The following GUCY1A1 variants were observed in gnomAD, a reference collection of about 807,000 sequenced individuals.
The protein encoded by GUCY1A1 is guanylate cyclase soluble subunit alpha-1.
In GUCY1A1, 48 loss-of-function variants were observed where a neutral mutation model predicts 64.5. The observed-to-expected ratio is 0.74, with a 90% CI of 0.59 to 0.95. The LOEUF is 0.95. GUCY1A1 is among the 40% of genes least tolerant of loss of function. The pLI is 0.00. For synonymous variants in GUCY1A1, 308 were observed against 303.4 expected, an observed-to-expected ratio of 1.02 and a Z score of -0.16; for missense variants, 804 against 825.3, an observed-to-expected ratio of 0.97 and a Z score of 0.32.
intron 2 of GUCY1A1, among the ~76,000 whole-genome samples, chr4:155,688,888 T>G (rs1729366929): frequency 6.6e-6 from 1 of 151,900 alleles, no homozygotes; most frequent in African/African-American, 2.4e-5. Flanking sequence ...TTGTAGGCCT[T>G]GACCTAAGGG....
intron 2 of GUCY1A1, among the ~76,000 whole-genome samples, chr4:155,695,363 A>T (rs1274271112): frequency 6.6e-6 from 1 of 152,146 alleles, no homozygotes; most frequent in South Asian, 2.1e-4. Context: ...AAAAAAACCT[A>T]ATTGAACTTC....
At chr4:155,711,373 T>C in intron 6 of GUCY1A1, 122 bp downstream of exon 6, 1 of 562,562 alleles carries the variant, frequency 1.8e-6, no homozygotes, top group East Asian at 2.9e-5. Context: ...AAAACAATGG[T>C]AAAAGAATTG....
At chr4:155,686,353 C>T (rs1416713421) in intron 2 of GUCY1A1, among the ~76,000 whole-genome samples, 2 of 151,758 alleles carry the variant, frequency 1.3e-5, no homozygotes, top group Non-Finnish European at 2.9e-5. Flanking sequence ...TGGTGGCGTG[C>T]GCCTGTTGTC....
At chr4:155,688,484 AT>A (rs1330162913) in intron 2 of GUCY1A1, among the ~76,000 whole-genome samples, 1 of 152,204 alleles carries the variant, frequency 6.6e-6, no homozygotes, top group Non-Finnish European at 1.5e-5. Context: ...TTAATCAAGG[AT>A]TTGTTGTCAC....
intron 2 of GUCY1A1, among the ~76,000 whole-genome samples, chr4:155,682,579 G>A (rs1174524587): frequency 1.3e-5 from 2 of 152,022 alleles, no homozygotes; most frequent in Non-Finnish European, 2.9e-5. Flanking sequence ...GGCTGAGGCC[G>A]GAGAATCGCT....
chr4:155,686,124 T>C (rs986785997), intron 2 of GUCY1A1, among the ~76,000 whole-genome samples: 1 of 152,188 alleles, frequency 6.6e-6, no homozygotes, highest in African/African-American at 2.4e-5. Flanking sequence ...GTGTCTCACC[T>C]CTACCTGCTC....
At chr4:155,687,639 A>G (rs906502730) in intron 2 of GUCY1A1, among the ~76,000 whole-genome samples, 5 of 152,224 alleles carry the variant, frequency 3.3e-5, no homozygotes, top group African/African-American at 1.2e-4. Flanking sequence ...CTCACAACAC[A>G]TTTATGAGAT....
At chr4:155,694,477 A>G (rs1485475372) in intron 2 of GUCY1A1, among the ~76,000 whole-genome samples, 1 of 152,248 alleles carries the variant, frequency 6.6e-6, no homozygotes, top group East Asian at 1.9e-4. Flanking sequence ...AGAGGAGATG[A>G]GGAAATAACT....
At chr4:155,675,462 T>G (rs1734777962) in intron 2 of GUCY1A1, among the ~76,000 whole-genome samples, 2 of 151,574 alleles carry the variant, frequency 1.3e-5, no homozygotes, top group African/African-American at 2.4e-5. Context: ...CACTATACAT[T>G]TGTAAATATG....
chr4:155,692,708 A>T (rs1053874532), intron 2 of GUCY1A1, among the ~76,000 whole-genome samples: 4 of 152,126 alleles, frequency 2.6e-5, no homozygotes, highest in African/African-American at 9.7e-5. Context: ...TCCTTACATG[A>T]TATTGTTACA....
chr4:155,671,081 A>C (rs968388260), intron 2 of GUCY1A1, among the ~76,000 whole-genome samples: 6 of 152,148 alleles, frequency 3.9e-5, no homozygotes, highest in African/African-American at 1.4e-4. Flanking sequence ...TGCTTGGTGC[A>C]TAGTAGGTGT....
intron 2 of GUCY1A1, among the ~76,000 whole-genome samples, chr4:155,671,020 T>A (rs1373837127): frequency 6.6e-6 from 1 of 151,576 alleles, no homozygotes; most frequent in Admixed American, 6.6e-5. Flanking sequence ...AATGTCTGCA[T>A]CTCCCATTAA....
At chr4:155,705,097 G>T (rs1375615336) in intron 4 of GUCY1A1, among the ~76,000 whole-genome samples, 1 of 152,144 alleles carries the variant, frequency 6.6e-6, no homozygotes, top group African/African-American at 2.4e-5. Flanking sequence ...TCACCGTGTT[G>T]CTCAGGCTGG....
In GUCY1A1 at chr4:155,734,208, T is replaced by A. The variant is rs1271528018; in HGVS notation, c.*3977T>A. Among the ~76,000 whole-genome samples the A allele has an allele frequency of 6.6e-6, 1 of 151,872 alleles. No homozygotes were observed. The highest frequency in any genetic ancestry group is 1.5e-5 in the Non-Finnish European group (1 of 67,922). On this transcript the variant is annotated 3_prime_UTR_variant, in exon 10 of 10. Coordinates refer to ENST00000506455, the MANE Select transcript of GUCY1A1 (RefSeq NM_001130682.3). The stretch of plus-strand genomic sequence containing the variant: ...GAGATGAATAAACAAGAGTGTCTAG[T>A]CTAACTAGTGCCTGAGGAATAGACA...
intron 2 of GUCY1A1, among the ~76,000 whole-genome samples, chr4:155,687,817 A>G (rs1415713492): frequency 6.6e-6 from 1 of 152,158 alleles, no homozygotes; most frequent in South Asian, 2.1e-4. Context: ...CCACTGCCTC[A>G]GGGAACAACT....
At chr4:155,711,787 T>C (rs1732603959) in intron 6 of GUCY1A1, among the ~76,000 whole-genome samples, 1 of 152,212 alleles carries the variant, frequency 6.6e-6, no homozygotes. Context: ...TAACTCATAG[T>C]TGATAATACA....
In GUCY1A1 at chr4:155,703,947, G is replaced by A. The variant is rs1302255938; in HGVS notation, c.271G>A (p.Val91Ile). Residue 91 changes from valine (V) to isoleucine (I), a missense_variant, in exon 4 of 10, where the codon GTT becomes ATT. Coordinates refer to ENST00000506455, the MANE Select transcript of GUCY1A1 (RefSeq NM_001130682.3). ...LIFPEFERLN[V>I]ALQRTLAKHK... ...GAACTTTCAGTTTGAACGGCTGAAT[G>A]TTGCACTTCAGAGAACATTGGCAAA... is the stretch of plus-strand genomic sequence containing the variant. 1.2e-6 allele frequency: 2 copies of A among 1,606,034 alleles called. No homozygotes were observed. The highest frequency in any genetic ancestry group is 2.2e-5 in the South Asian group (2 of 90,100).
intron 2 of GUCY1A1, among the ~76,000 whole-genome samples, chr4:155,688,715 A>G (rs1054617753): frequency 6.6e-6 from 1 of 152,184 alleles, no homozygotes; most frequent in Non-Finnish European, 1.5e-5. Flanking sequence ...TGCACTAAAA[A>G]TAAAAGGACT....
intron 9 of GUCY1A1, among the ~76,000 whole-genome samples, chr4:155,725,453 T>G (rs1734531105): frequency 1.3e-5 from 2 of 152,100 alleles, no homozygotes; most frequent in Admixed American, 1.3e-4. Flanking sequence ...TCCTATTAAG[T>G]AGGAGTCAGT....
Sources: gnomAD v4.1 joint callset for allele counts (sites outside exome capture counted in the v4.1 genomes callset) on GRCh38, gnomAD v4.1.1 for gene constraint, MANE v1.5 for transcripts, NCBI Gene and HGNC (gene_info 2026-07-23, HGNC 2026-07-21) for gene names.